STX8: variants seen among roughly 807,000 people sequenced by gnomAD.
The protein encoded by STX8 is syntaxin 8.
In STX8, 23 loss-of-function variants were observed where a neutral mutation model predicts 37.5. That is an observed-to-expected ratio of 0.61 (90% CI 0.44 to 0.87). The LOEUF is 0.87. Among genes scored for constraint, STX8 ranks in the 40% least tolerant of loss-of-function variants. The pLI, the probability that STX8 is intolerant of heterozygous loss-of-function variation, is 0.00. For missense variants in STX8, 313 were observed against 284.7 expected (o/e 1.10, Z -0.71); for synonymous variants, 115 against 99.1 (o/e 1.16, Z -0.95).
chr17:9,502,062 C>A (rs1185397493), intron 5 of STX8, among the ~76,000 whole-genome samples: 3 of 152,114 alleles, frequency 2.0e-5, no homozygotes, highest in Admixed American at 2.0e-4. Context: ...CAAGTGTTGG[C>A]AAGAATGTGG....
intron 7 of STX8, among the ~76,000 whole-genome samples, chr17:9,353,926 T>TAAA (rs66922110): frequency 3.9e-5 from 6 of 152,082 alleles, no homozygotes; most frequent in South Asian, 4.1e-4. Context: ...CAAGTAATCC[T>TAAA]AAAAAAAGGT....
At chr17:9,276,482 G>A (rs1907680885) in intron 7 of STX8, among the ~76,000 whole-genome samples, 1 of 152,102 alleles carries the variant, frequency 6.6e-6, no homozygotes, top group Non-Finnish European at 1.5e-5. Flanking sequence ...ATTTCTAATT[G>A]TAAAATTTTG....
intron 7 of STX8, among the ~76,000 whole-genome samples, chr17:9,265,123 G>GAAAAAA (rs61526336): frequency 4.1e-5 from 3 of 72,536 alleles, no homozygotes; most frequent in Admixed American, 1.6e-4. Flanking sequence ...AGTCTGAAAA[G>GAAAAAA]AAAAAAAAAA....
chr17:9,523,414 ATTT>A (rs1415470182), intron 4 of STX8, among the ~76,000 whole-genome samples: 7 of 152,098 alleles, frequency 4.6e-5, no homozygotes, highest in Non-Finnish European at 8.8e-5. Flanking sequence ...ACATATATAT[ATTT>A]AAAGAGAAAC....
chr17:9,333,757 T>G (rs1314730880), intron 7 of STX8, among the ~76,000 whole-genome samples: 1 of 152,196 alleles, frequency 6.6e-6, no homozygotes, highest in African/African-American at 2.4e-5. Context: ...ACACACATGT[T>G]TTTTAAAAGT....
At chr17:9,518,344 T>C (rs1410125016) in intron 4 of STX8, among the ~76,000 whole-genome samples, 1 of 152,148 alleles carries the variant, frequency 6.6e-6, no homozygotes, top group Admixed American at 6.5e-5. Context: ...CCAGGCCTCA[T>C]GTGTCACAGC....
At chr17:9,308,604 T>G (rs954211518) in intron 7 of STX8, among the ~76,000 whole-genome samples, 1 of 151,134 alleles carries the variant, frequency 6.6e-6, no homozygotes, top group Non-Finnish European at 1.5e-5. Flanking sequence ...ACGCCTGTAG[T>G]CCCAGCTACT....
intron 4 of STX8, among the ~76,000 whole-genome samples, chr17:9,542,711 T>TA (rs1391202780): frequency 6.6e-6 from 1 of 151,686 alleles, no homozygotes; most frequent in Non-Finnish European, 1.5e-5. Context: ...AATAAATAAA[T>TA]AAGGAATAAA....
At chr17:9,555,817 A>T (rs1329410780) in intron 3 of STX8, 1 of 150,788 alleles carries the variant, frequency 6.6e-6, no homozygotes, top group East Asian at 2.0e-4. Context: ...AATGGCATGA[A>T]CCCGGGAGGC....
At chr17:9,327,057 T>C (rs1251180263) in intron 7 of STX8, among the ~76,000 whole-genome samples, 2 of 151,348 alleles carry the variant, frequency 1.3e-5, no homozygotes, top group African/African-American at 4.9e-5. Flanking sequence ...TTCGGGAGGC[T>C]GAGGCAGGAG....
chr17:9,544,043 A>G (rs1301249452), intron 4 of STX8, among the ~76,000 whole-genome samples: 1 of 152,068 alleles, frequency 6.6e-6, no homozygotes, highest in East Asian at 1.9e-4. Context: ...CTCCACCGCA[A>G]TCCCACTCTG....
At chr17:9,289,706 G>A (rs1908244431) in intron 7 of STX8, among the ~76,000 whole-genome samples, 1 of 151,954 alleles carries the variant, frequency 6.6e-6, no homozygotes, top group South Asian at 2.1e-4. Flanking sequence ...CATGAACCCG[G>A]GAGGTGGAGC....
At chr17:9,397,315 G>C (rs1912438411) in intron 6 of STX8, among the ~76,000 whole-genome samples, 1 of 152,222 alleles carries the variant, frequency 6.6e-6, no homozygotes, top group Non-Finnish European at 1.5e-5. Flanking sequence ...AGAATTGCTT[G>C]AACCCGGGAG....
chr17:9,324,086 CCT>C (rs149631075), intron 7 of STX8, among the ~76,000 whole-genome samples: 1,737 of 142,234 alleles, frequency 0.012, 19 homozygotes, highest in African/African-American at 0.031. Context: ...TCAGGGCATC[CCT>C]CTCTCTCTCT....
chr17:9,286,866 C>T (rs139252573), intron 7 of STX8, among the ~76,000 whole-genome samples: 6 of 152,132 alleles, frequency 3.9e-5, no homozygotes, highest in African/African-American at 7.2e-5. Flanking sequence ...TACCTGGGTT[C>T]GAGCTGAGGC....
At chr17:9,437,839 G>A (rs755243562) in intron 6 of STX8, 16 of 152,202 alleles carry the variant, frequency 1.1e-4, no homozygotes, top group Admixed American at 2.0e-4. Flanking sequence ...CTCTGTTTGC[G>A]GCCATTGCAG....
intron 6 of STX8, among the ~76,000 whole-genome samples, chr17:9,430,186 A>G (rs938132778): frequency 7.9e-6 from 1 of 126,166 alleles, no homozygotes. Flanking sequence ...ATATATAAAT[A>G]AAATATAAAT....
chr17:9,565,759 CAGA>C (rs747975611), intron 2 of STX8, among the ~76,000 whole-genome samples: 8 of 152,108 alleles, frequency 5.3e-5, no homozygotes, highest in Non-Finnish European at 1.0e-4. Flanking sequence ...CTACCACGTG[CAGA>C]AGATAGAAAT....
chr17:9,575,706 G>A (rs1907883862), intron 1 of STX8, 86 bp downstream of exon 1: 2 of 1,492,528 alleles, frequency 1.3e-6, no homozygotes, highest in Admixed American at 2.0e-5. Context: ...GGCCACCAGC[G>A]GCAATGCGAA....
Sources: allele counts gnomAD v4.1 joint callset (sites outside exome capture counted in the v4.1 genomes callset), GRCh38; gene constraint gnomAD v4.1.1; transcripts MANE v1.5; gene names NCBI Gene and HGNC (gene_info 2026-07-23, HGNC 2026-07-21).